Variants in TJP1 observed in about 807,000 individuals in gnomAD.
TJP1 encodes the protein tight junction protein 1.
Under a neutral mutation model 194.2 loss-of-function variants are expected in TJP1, and 43 were observed. That is an observed-to-expected ratio of 0.22 (90% confidence interval 0.17 to 0.29). The LOEUF (loss-of-function observed/expected upper bound fraction) is 0.29, where lower values mean the gene tolerates loss of function less well. Among genes scored for constraint, TJP1 ranks in the 10% least tolerant of loss-of-function variants. The pLI is 1.00. For synonymous variants in TJP1, 801 were observed against 779.0 expected, an observed-to-expected ratio of 1.03 and a Z score of -0.47; for missense variants, 1,971 against 2,185.7, an observed-to-expected ratio of 0.90 and a Z score of 1.96.
chr15:29,710,876 T>A lies in TJP1; in HGVS notation c.4327A>T (p.Thr1443Ser). 1 of 1,614,112 alleles carries A rather than the reference T, an allele frequency of 6.2e-7. No individual in the cohort carries two copies. The highest frequency in any genetic ancestry group is 8.5e-7 in the Non-Finnish European group (1 of 1,180,038). ...SQYAQPSQPVTSASLHIHSKG... is the reference protein window; with the variant it reads ...SQYAQPSQPVSSASLHIHSKG... ...GAATGTATGTGGAGAGACGCGCTGG[T>A]GACAGGCTGAGATGGCTGGGCATAC... The change falls in exon 24 of 28, where the codon ACC (threonine) becomes TCC (serine). Residue 1443 changes from threonine (T) to serine (S), a missense_variant. Transcript: ENST00000614355.
intron 2 of TJP1, among the ~76,000 whole-genome samples, chr15:29,841,114 G>A (rs980924195): frequency 4.6e-5 from 7 of 152,164 alleles, no homozygotes; most frequent in African/African-American, 7.2e-5. Context: ...TCACAAGAAG[G>A]TGGAATGTGA....
intron 2 of TJP1, among the ~76,000 whole-genome samples, chr15:29,895,623 T>C (rs958203848): frequency 3.9e-5 from 6 of 152,168 alleles, no homozygotes; most frequent in African/African-American, 1.4e-4. Flanking sequence ...CTTCCCTCCT[T>C]CTAAGCTCTC....
chr15:29,796,879 G>A (rs1451053955), intron 2 of TJP1, among the ~76,000 whole-genome samples: 1 of 151,774 alleles, frequency 6.6e-6, no homozygotes, highest in African/African-American at 2.4e-5. Context: ...ATTGATTTTT[G>A]ACAAAGCGAG....
At chr15:29,782,205 T>G (rs1305857976) in intron 2 of TJP1, among the ~76,000 whole-genome samples, 1 of 151,916 alleles carries the variant, frequency 6.6e-6, no homozygotes, top group South Asian at 2.1e-4. Flanking sequence ...AGGAATGCAA[T>G]TCATATGGAA....
intron 2 of TJP1, among the ~76,000 whole-genome samples, chr15:29,949,179 C>A (rs554786594): frequency 1.3e-5 from 2 of 148,806 alleles, no homozygotes; most frequent in East Asian, 4.0e-4. Context: ...ACCACCACCT[C>A]CATCACCTCC....
chr15:29,780,561 T>C (rs1380574978), intron 2 of TJP1, among the ~76,000 whole-genome samples: 1 of 152,140 alleles, frequency 6.6e-6, no homozygotes, highest in Non-Finnish European at 1.5e-5. Context: ...TACATCTCTG[T>C]GGCCTGGGGG....
At chr15:29,841,387 T>C (rs2051219196) in intron 2 of TJP1, among the ~76,000 whole-genome samples, 1 of 152,240 alleles carries the variant, frequency 6.6e-6, no homozygotes, top group African/African-American at 2.4e-5. Context: ...AACAACCTGC[T>C]GATTAAAATG....
intron 8 of TJP1, among the ~76,000 whole-genome samples, chr15:29,745,015 CATT>C (rs372981492): frequency 1.7e-4 from 26 of 152,188 alleles, no homozygotes; most frequent in African/African-American, 5.8e-4. Context: ...TGACACAATT[CATT>C]ATTATGCACA....
chr15:29,961,955 C>A (rs2152321551), intron 1 of TJP1, among the ~76,000 whole-genome samples: 1 of 152,310 alleles, frequency 6.6e-6, no homozygotes, highest in Middle Eastern at 3.4e-3. Context: ...TTGAATGTAT[C>A]TTCCCTGGTC....
intron 2 of TJP1, among the ~76,000 whole-genome samples, chr15:29,877,184 T>C (rs2052733382): frequency 6.6e-6 from 1 of 152,236 alleles, no homozygotes; most frequent in African/African-American, 2.4e-5. Context: ...AGAAAACTGG[T>C]TTTAACATTT....
intron 2 of TJP1, among the ~76,000 whole-genome samples, chr15:29,922,544 A>G (rs1476971348): frequency 1.3e-5 from 2 of 152,224 alleles, no homozygotes; most frequent in Admixed American, 1.3e-4. Flanking sequence ...GTCTTCTAAA[A>G]TTAAAGTAGA....
chr15:29,837,402 T>C (rs2051071152), intron 2 of TJP1, among the ~76,000 whole-genome samples: 2 of 151,996 alleles, frequency 1.3e-5, no homozygotes. Context: ...CTACTAAAAA[T>C]ACAAAATTAG....
chr15:29,699,450 G>C (rs548994613), downstream of TJP1: 2 of 152,192 alleles, frequency 1.3e-5, no homozygotes, highest in Admixed American at 1.3e-4. Context: ...GCTGGAAGAA[G>C]GGTTGAGTAT....
At chr15:29,888,899 G>C (rs905726409) in intron 2 of TJP1, among the ~76,000 whole-genome samples, 2 of 152,218 alleles carry the variant, frequency 1.3e-5, no homozygotes, top group African/African-American at 4.8e-5. Context: ...AGAATCACAG[G>C]AGAATGCAGA....
chr15:29,794,196 A>G (rs1254232948), intron 2 of TJP1, among the ~76,000 whole-genome samples: 2 of 152,168 alleles, frequency 1.3e-5, no homozygotes, highest in Non-Finnish European at 2.9e-5. Flanking sequence ...AAAAACAACC[A>G]AAAAACCATT....
At chr15:29,840,159 A>G (rs2051172329) in intron 2 of TJP1, among the ~76,000 whole-genome samples, 1 of 152,104 alleles carries the variant, frequency 6.6e-6, no homozygotes, top group Non-Finnish European at 1.5e-5. Context: ...TGAATATGCG[A>G]TTTGCGAATG....
intron 2 of TJP1, among the ~76,000 whole-genome samples, chr15:29,888,008 G>A (rs2053177379): frequency 1.3e-5 from 2 of 152,018 alleles, no homozygotes; most frequent in African/African-American, 4.8e-5. Context: ...GTACAAAGAT[G>A]CTCTTCACAG....
At chr15:29,740,111 C>A (rs970695574) in intron 10 of TJP1, among the ~76,000 whole-genome samples, 20 of 151,978 alleles carry the variant, frequency 1.3e-4, no homozygotes, top group Admixed American at 1.2e-3. Flanking sequence ...CCTCAACCTC[C>A]CGAGTAGCTG....
In TJP1 at chr15:29,955,753, T is replaced by TAAAAAAAAAAAAAA. The variant is rs563535771; in HGVS notation, c.306+465_306+478dup. Among the ~76,000 whole-genome samples the TAAAAAAAAAAAAAA allele has an allele frequency of 4.1e-3, 147 of 35,810 alleles. 6 individuals are homozygous for TAAAAAAAAAAAAAA. The highest frequency in any genetic ancestry group is 5.9e-3 in the Non-Finnish European group (118 of 19,950). The allele number at this position is 35,810 out of a possible 152,430, so 23.5% of individuals were successfully genotyped here. A position where few individuals can be genotyped will look rare whatever the true frequency, so the allele number is the denominator to read the frequency against. On this transcript the variant is annotated intron_variant, in intron 2 of 28. Coordinates refer to the TJP1 transcript ENST00000356107. ...GCAACAGAAGGAGACCCTGGCTCTT[T>TAAAAAAAAAAAAAA]AAAAAAAAAAAAAAAAAAAAAAAAA...
Sources: allele counts gnomAD v4.1 joint callset (sites outside exome capture counted in the v4.1 genomes callset), GRCh38; gene constraint gnomAD v4.1.1; transcripts MANE v1.5; gene names NCBI Gene and HGNC (gene_info 2026-07-23, HGNC 2026-07-21).